Variants in ZP3 observed in about 807,000 individuals in gnomAD.
ZP3 encodes zona pellucida glycoprotein 3.
ZP3 carries 21 observed loss-of-function variants against 35.6 expected under a neutral mutation model. The ratio of observed to expected loss-of-function variants is 0.59; its 90% confidence interval spans 0.42 to 0.85. The LOEUF is 0.85. Among genes scored for constraint, ZP3 ranks in the 40% least tolerant of loss-of-function variants. ZP3 has a pLI of 0.00. For synonymous variants in ZP3, 207 were observed against 214.5 expected, an observed-to-expected ratio of 0.96 and a Z score of 0.31; for missense variants, 437 against 536.5, an observed-to-expected ratio of 0.81 and a Z score of 1.83.
intron 1 of ZP3, among the ~76,000 whole-genome samples, chr7:76,412,014 G>A (rs1456866179): frequency 6.6e-6 from 1 of 151,870 alleles, no homozygotes; most frequent in East Asian, 1.9e-4. Context: ...GAAACACAGT[G>A]AGACTCCAAC....
intron 1 of ZP3, among the ~76,000 whole-genome samples, chr7:76,402,530 G>T (rs993573074): frequency 4.0e-5 from 6 of 151,848 alleles, no homozygotes; most frequent in Non-Finnish European, 7.4e-5. Flanking sequence ...TGTTGCCCAG[G>T]CTGGTCTCGA....
chr7:76,421,680 T>G (rs1017579653), upstream of ZP3, among the ~76,000 whole-genome samples: 4 of 151,496 alleles, frequency 2.6e-5, no homozygotes, highest in African/African-American at 7.3e-5. Flanking sequence ...CTGCAACATC[T>G]GCTTCCCAGG....
chr7:76,432,990 C>T lies in ZP3; in HGVS notation c.495C>T (p.Phe165=). 6.2e-7 allele frequency: 1 copy of T among 1,614,118 alleles called. No homozygotes were observed. The highest frequency in any genetic ancestry group is 8.5e-7 in the Non-Finnish European group (1 of 1,180,028). The change falls in exon 3 of 8, where the codon TTC becomes TTT. Residue 165 remains phenylalanine (F), a synonymous_variant. Coordinates refer to ENST00000394857, the MANE Select transcript of ZP3 (RefSeq NM_001110354.2). The part of the protein sequence containing the change: ...PTWLPFRTTV[F]SEEKLTFSLR... ...GGTTGCCCTTCAGGACCACGGTGTTCTCAGAGGAGAAGCTGACTTTCTCTC... is the reference window on the plus strand; with the variant it reads ...GGTTGCCCTTCAGGACCACGGTGTTTTCAGAGGAGAAGCTGACTTTCTCTC...
intron 4 of ZP3, 145 bp downstream of exon 4, chr7:76,433,792 A>T: frequency 9.3e-7 from 1 of 1,075,584 alleles, no homozygotes; most frequent in African/African-American, 1.6e-5. Context: ...TCTGCCTCCC[A>T]GGTTTAAGTG....
At chr7:76,431,162 C>T (rs971218405) in intron 2 of ZP3, among the ~76,000 whole-genome samples, 2 of 152,132 alleles carry the variant, frequency 1.3e-5, no homozygotes, top group East Asian at 1.9e-4. Flanking sequence ...TTGCAGGGAC[C>T]GTAGAGGCTG....
At chr7:76,440,851 A>G (rs113625816) in intron 7 of ZP3, among the ~76,000 whole-genome samples, 73 of 145,736 alleles carry the variant, frequency 5.0e-4, no homozygotes, top group African/African-American at 1.3e-3. Flanking sequence ...AGACATAATT[A>G]GGCATGTAGG....
intron 4 of ZP3, 110 bp downstream of exon 4, chr7:76,433,757 G>A: frequency 7.9e-7 from 1 of 1,268,206 alleles, no homozygotes; most frequent in Non-Finnish European, 1.1e-6. Flanking sequence ...GGAATACAGA[G>A]GCTTGATCTC....
At chr7:76,439,223 G>A (rs1436241408) in intron 5 of ZP3, among the ~76,000 whole-genome samples, 1 of 149,664 alleles carries the variant, frequency 6.7e-6, no homozygotes, top group Non-Finnish European at 1.5e-5. Context: ...AAGGACCTCA[G>A]GTCCCAGAAA....
intron 1 of ZP3, chr7:76,397,982 G>A (rs1053501568): frequency 3.7e-6 from 3 of 818,820 alleles, no homozygotes; most frequent in African/African-American, 3.5e-5. Flanking sequence ...TCCAGACTGG[G>A]GGTAGCTTGT....
At chr7:76,428,493 G>C (rs149343956) in intron 1 of ZP3, 1 of 152,072 alleles carries the variant, frequency 6.6e-6, no homozygotes, top group Non-Finnish European at 1.5e-5. Context: ...CAAAATCTTC[G>C]AACTTAGGTG....
intron 1 of ZP3, chr7:76,429,130 C>G (rs1183464622): frequency 3.9e-6 from 1 of 256,854 alleles, no homozygotes; most frequent in African/African-American, 2.2e-5. Flanking sequence ...GCCCTGATGC[C>G]TCTATTGCTT....
intron 1 of ZP3, among the ~76,000 whole-genome samples, chr7:76,407,948 T>C (rs1286742810): frequency 6.6e-6 from 1 of 151,910 alleles, no homozygotes; most frequent in Non-Finnish European, 1.5e-5. Context: ...CTCTAGGCCA[T>C]AGGAGGCAGA....
intron 1 of ZP3, among the ~76,000 whole-genome samples, chr7:76,415,495 A>T (rs1332308396): frequency 6.8e-6 from 1 of 147,500 alleles, no homozygotes; most frequent in East Asian, 2.0e-4. Flanking sequence ...TTTATTTTTT[A>T]TTTATTTATT....
At chr7:76,401,071 C>A in intron 1 of ZP3, 1 of 1,527,206 alleles carries the variant, frequency 6.5e-7, no homozygotes. Context: ...AGAGCATTGG[C>A]CCCTCTGCCC....
intron 1 of ZP3, among the ~76,000 whole-genome samples, chr7:76,402,405 C>A (rs2115791449): frequency 6.6e-6 from 1 of 152,144 alleles, no homozygotes; most frequent in East Asian, 1.9e-4. Context: ...TAGTCTTGAA[C>A]CCTTAACCTC....
At chr7:76,431,258 C>G (rs985072105) in intron 2 of ZP3, among the ~76,000 whole-genome samples, 1 of 152,156 alleles carries the variant, frequency 6.6e-6, no homozygotes, top group Admixed American at 6.5e-5. Flanking sequence ...CAAGGGCAGG[C>G]TGCCCAGTCG....
In ZP3 at chr7:76,429,580, G is replaced by A. The variant is rs1264596458; in HGVS notation, c.378G>A (p.Leu126=). Reference sequence around the variant, plus strand: ...ATGACCCCCGCCCCGTGGGAAACCTGTCCATCGTGAGGACTAACCGCGCAG... The same window carrying A: ...ATGACCCCCGCCCCGTGGGAAACCTATCCATCGTGAGGACTAACCGCGCAG... ...LLHDPRPVGN[L]SIVRTNRAEI... The change falls in exon 2 of 8, where the codon CTG becomes CTA. Residue 126 remains leucine (L), a synonymous_variant. Coordinates refer to ENST00000394857, the MANE Select transcript of ZP3 (RefSeq NM_001110354.2). 1.9e-6 allele frequency: 3 copies of A among 1,614,112 alleles called. No individual in the cohort carries two copies. The highest frequency in any genetic ancestry group is 2.5e-6 in the Non-Finnish European group (3 of 1,179,996).
chr7:76,419,042 T>TA (rs1196529641), intron 1 of ZP3, among the ~76,000 whole-genome samples: 1 of 152,130 alleles, frequency 6.6e-6, no homozygotes, highest in Non-Finnish European at 1.5e-5. Context: ...TCTGAGTGCT[T>TA]ATTCCCTCAG....
upstream of ZP3, among the ~76,000 whole-genome samples, chr7:76,420,686 C>A (rs935876812): frequency 6.6e-6 from 1 of 152,102 alleles, no homozygotes; most frequent in Non-Finnish European, 1.5e-5. Context: ...TCACTTGAAT[C>A]TGACACAGAG....
Sources: allele counts gnomAD v4.1 joint callset (sites outside exome capture counted in the v4.1 genomes callset), GRCh38; gene constraint gnomAD v4.1.1; transcripts MANE v1.5; gene names NCBI Gene and HGNC (gene_info 2026-07-23, HGNC 2026-07-21).